LAMA1: variants seen among roughly 807,000 people sequenced by gnomAD.
The protein encoded by LAMA1 is laminin subunit alpha-1.
LAMA1 carries 219 observed loss-of-function variants against 348.7 expected under a neutral mutation model. The observed-to-expected ratio is 0.63, with a 90% CI of 0.56 to 0.70. LAMA1 has a LOEUF of 0.70. Ranked by LOEUF, LAMA1 falls within the 30% of genes least tolerant of loss-of-function variation. The probability of loss-of-function intolerance (pLI) is 0.00; values close to 1 mark genes in which losing one functional copy is unlikely to be tolerated. For synonymous variants in LAMA1, 1,487 were observed against 1,491.0 expected, an observed-to-expected ratio of 1.00 and a Z score of 0.06; for missense variants, 3,744 against 3,888.0, an observed-to-expected ratio of 0.96 and a Z score of 0.99.
rs2057885835 is a variant in LAMA1 at position 7,015,971 on chromosome 18, A to G, written c.2990-113T>C. 6 of 1,299,382 alleles carry G rather than the reference A, an allele frequency of 4.6e-6. No individual in the cohort carries two copies. In the South Asian group the frequency reaches 4.9e-5, roughly 11 times the overall value. 80.5% of individuals were successfully genotyped at this position (1,299,382 alleles called of 1,614,324 possible). ...AGTCCAAGCCACTCTTCTCACTCCT[A>G]AAAGACGCCTCACAATTCCCAAGAC... is the stretch of plus-strand genomic sequence containing the variant. On this transcript the variant is annotated intron_variant, in intron 21 of 62. Coordinates refer to ENST00000389658, the MANE Select transcript of LAMA1 (RefSeq NM_005559.4).
chr18:6,942,123 G>C lies in LAMA1; in HGVS notation c.9184C>G (p.Leu3062Val). ...CAGGAATGAAGGAAAACTCCGTGCA[G>C]TTCGAACGCTCTGCTGAAGTCAAAG... Reference protein sequence around the residue: ...QSFDFSRAFELHGVFLHSCPG... With the variant: ...QSFDFSRAFEVHGVFLHSCPG... The change falls in exon 63 of 63, where the codon CTG (leucine) becomes GTG (valine). Residue 3062 changes from leucine (L) to valine (V), a missense_variant. By Grantham distance (32) the Leu-to-Val change is conservative (BLOSUM62 1). Transcript: ENST00000389658. 6.2e-7 allele frequency: 1 copy of C among 1,614,194 alleles called. No individual in the cohort carries two copies. Among genetic ancestry groups the C allele is most frequent in the Non-Finnish European group, 8.5e-7 (1 of 1,180,042 alleles).
At chr18:7,115,205 T>C (rs2058350711) in intron 1 of LAMA1, among the ~76,000 whole-genome samples, 1 of 152,212 alleles carries the variant, frequency 6.6e-6, no homozygotes, top group Admixed American at 6.5e-5. Flanking sequence ...GAGCACATAC[T>C]TGCTAAATTT....
chr18:6,986,171 A>G lies in LAMA1; in HGVS notation c.5345T>C (p.Leu1782Pro). The change falls in exon 37 of 63, where the codon CTG becomes CCG. Residue 1782 changes from leucine to proline, a missense_variant. Leu to Pro is a moderately conservative substitution (Grantham distance 98). Around this residue, in one of 3 missense-constraint regions of LAMA1, gnomAD observed 1,983 missense variants for 1,934.3 expected, o/e 1.03. Transcript: ENST00000389658. ...TCTCAGATTAGCATTGACCATGAGC[A>G]GCAGGTGGTTGCTTTCCTGCATCTT... ...EAKMQESNHL[L>P]LMVNANLREF... 1 of 1,614,240 alleles carries G rather than the reference A, an allele frequency of 6.2e-7. No individual in the cohort carries two copies.
intron 14 of LAMA1, among the ~76,000 whole-genome samples, chr18:7,033,473 C>A (rs2057980428): frequency 2.4e-5 from 3 of 124,842 alleles, no homozygotes; most frequent in Non-Finnish European, 3.4e-5. Flanking sequence ...AAAAAAAAGA[C>A]TTAAATCCAA....
chr18:7,002,772 G>A (rs1342886267), intron 29 of LAMA1, among the ~76,000 whole-genome samples: 1 of 152,140 alleles, frequency 6.6e-6, no homozygotes, highest in Non-Finnish European at 1.5e-5. Context: ...AGGAGTTGAA[G>A]AATGGATAGA....
chr18:6,992,856 A>G, intron 35 of LAMA1, 136 bp from the exon 36 acceptor site: 1 of 685,246 alleles, frequency 1.5e-6, no homozygotes, highest in Non-Finnish European at 2.5e-6. Context: ...AGGCCAGGCC[A>G]CCTGGCATAT....
Position 7,033,089 on chromosome 18 carries a change from C to A in LAMA1, c.2058G>T (p.Glu686Asp), listed in dbSNP as rs1284687581. The change falls in exon 15 of 63, where the codon GAG becomes GAT. Residue 686 changes from glutamate (E) to aspartate (D), a missense_variant. By Grantham distance (45) the Glu-to-Asp change is conservative (BLOSUM62 2). Around this residue, in one of 3 missense-constraint regions of LAMA1, gnomAD observed 1,529 missense variants for 1,689.4 expected, o/e 0.91. Coordinates refer to ENST00000389658, the MANE Select transcript of LAMA1 (RefSeq NM_005559.4). ...AGCTGGCTATGTCCAGAGAGACGGA[C>A]TCCAACCTACAAATAGACAGATTGT... is the stretch of plus-strand genomic sequence containing the variant. ...NSAKMALYRLESVSLDIASSN... is the reference protein window; with the variant it reads ...NSAKMALYRLDSVSLDIASSN... The A allele has an allele frequency of 8.1e-6, 13 of 1,605,822 alleles. No homozygotes were observed. Among genetic ancestry groups the A allele is most frequent in the Non-Finnish European group, 1.0e-5 (12 of 1,174,852 alleles).
Position 6,962,026 on chromosome 18 carries a change from G to A in LAMA1, c.7371C>T (p.Cys2457=). The change falls in exon 52 of 63, where the codon TGC becomes TGT. Residue 2457 remains cysteine (C), a synonymous_variant. Coordinates refer to ENST00000389658, the MANE Select transcript of LAMA1 (RefSeq NM_005559.4). ...ATCTGGATATTTCCAGGTTCTTGAT[G>A]CAGCCCACAAAGCTTTTGGTGGTGA... The part of the protein sequence containing the change: ...RGVTTKSFVG[C]IKNLEISRST... The A allele has an allele frequency of 6.2e-7, 1 of 1,614,166 alleles. No homozygotes were observed. Among genetic ancestry groups the A allele is most frequent in the Non-Finnish European group, 8.5e-7 (1 of 1,180,002 alleles).
At chr18:7,063,081 C>T (rs867210771) in intron 3 of LAMA1, among the ~76,000 whole-genome samples, 10 of 152,298 alleles carry the variant, frequency 6.6e-5, no homozygotes, top group South Asian at 2.1e-4. Flanking sequence ...ATTAGTTATA[C>T]ATTTACAACA....
At chr18:6,964,384 G>C (rs574720959) in intron 51 of LAMA1, among the ~76,000 whole-genome samples, 1 of 152,148 alleles carries the variant, frequency 6.6e-6, no homozygotes, top group African/African-American at 2.4e-5. Flanking sequence ...CAACATGACA[G>C]TTGTCCTTAT....
At chr18:7,054,687 T>G (rs2143733789) in intron 3 of LAMA1, among the ~76,000 whole-genome samples, 1 of 152,226 alleles carries the variant, frequency 6.6e-6, no homozygotes, top group Middle Eastern at 3.4e-3. Context: ...ATAGGTCCAC[T>G]TATAAACTAA....
chr18:7,040,008 A>G (rs1598293405), intron 10 of LAMA1, 68 bp downstream of exon 10: 4 of 1,564,514 alleles, frequency 2.6e-6, no homozygotes, highest in South Asian at 1.1e-5. Flanking sequence ...ATTGGAGCCA[A>G]TGGAAAACAC....
intron 61 of LAMA1, among the ~76,000 whole-genome samples, chr18:6,946,475 C>T (rs34509160): frequency 0.43 from 65,171 of 151,878 alleles, 14,698 homozygotes; most frequent in Non-Finnish European, 0.49. Flanking sequence ...AATCCCAGCA[C>T]TTTGGGAGGC....
chr18:7,041,429 T>A (rs560040561), intron 9 of LAMA1, among the ~76,000 whole-genome samples: 1 of 152,144 alleles, frequency 6.6e-6, no homozygotes, highest in African/African-American at 2.4e-5. Context: ...CACGTAAGAA[T>A]CAATTCAGTT....
rs35224545 is a variant in LAMA1 at position 7,065,232 on chromosome 18, CAA to C, written c.346-14298_346-14297del. ...TGGGTGACAGAGTGAGACTCTATCT[CAA>C]AAAAAAAAAAAAAAAAAAACAACGA... On this transcript the variant is annotated intron_variant, in intron 3 of 62. Coordinates refer to ENST00000389658, the MANE Select transcript of LAMA1 (RefSeq NM_005559.4). Among the ~76,000 whole-genome samples the C allele has an allele frequency of 6.0e-4, 43 of 71,398 alleles. No homozygotes were observed. The East Asian group carries it at 8.7e-3, about 14-fold the overall frequency. 46.8% of individuals were successfully genotyped at this position (71,398 alleles called of 152,430 possible).
At chr18:6,992,828 G>T in intron 35 of LAMA1, 108 bp from the exon 36 acceptor site, 3 of 907,500 alleles carry the variant, frequency 3.3e-6, no homozygotes, top group Non-Finnish European at 5.2e-6. Flanking sequence ...TACCTAAGCT[G>T]AGTTGGACCT....
chr18:7,050,791 T>C lies in LAMA1; in HGVS notation c.491A>G (p.Asn164Ser), dbSNP rs1246793419. ...GGGTGGCCCTCGTCTTGGAGTTATATTGTAACGAGACAAACACTCTGAGTC... is the reference window on the plus strand; with the variant it reads ...GGGTGGCCCTCGTCTTGGAGTTATACTGTAACGAGACAAACACTCTGAGTC... ...VSDSECLSRY[N>S]ITPRRGPPTY... The change falls in exon 4 of 63, where the codon AAT (asparagine) becomes AGT (serine). Residue 164 changes from asparagine (N) to serine (S), a missense_variant. By Grantham distance (46) the Asn-to-Ser change is conservative. Around this residue, in one of 3 missense-constraint regions of LAMA1, gnomAD observed 1,529 missense variants for 1,689.4 expected, o/e 0.91. Transcript: ENST00000389658. The C allele has an allele frequency of 1.9e-6, 3 of 1,614,154 alleles. No homozygotes were observed. Among genetic ancestry groups the C allele is most frequent in the Admixed American group, 1.7e-5 (1 of 60,014 alleles).
chr18:7,097,150 A>T (rs539267308), intron 1 of LAMA1, among the ~76,000 whole-genome samples: 1 of 152,324 alleles, frequency 6.6e-6, no homozygotes, highest in South Asian at 2.1e-4. Flanking sequence ...CATGCAACCG[A>T]TAGCTGGACC....
intron 34 of LAMA1, 66 bp downstream of exon 34, chr18:6,995,291 C>CA (rs2057776144): frequency 2.8e-6 from 3 of 1,057,980 alleles, no homozygotes; most frequent in Admixed American, 3.4e-5. Context: ...AGCCCCAAGG[C>CA]AACTGCTCAG....
Sources: gnomAD v4.1 joint callset for allele counts (sites outside exome capture counted in the v4.1 genomes callset) on GRCh38, gnomAD v4.1.1 for gene constraint, gnomAD v4.1.1 regional missense constraint, MANE v1.5 for transcripts, NCBI Gene and HGNC (gene_info 2026-07-23, HGNC 2026-07-21) for gene names.